The following NT5C2 variants were observed in gnomAD, a reference collection of about 807,000 sequenced individuals.
NT5C2 encodes the protein 5'-nucleotidase, cytosolic II.
A neutral mutation model predicts 76.1 loss-of-function variants in NT5C2; 58 were observed. The observed-to-expected ratio is 0.76, with a 90% CI of 0.62 to 0.95. NT5C2 has a LOEUF of 0.95. Among genes scored for constraint, NT5C2 ranks in the 40% least tolerant of loss-of-function variants. The pLI is 0.00. For synonymous variants in NT5C2, 229 were observed against 237.4 expected (o/e 0.96, Z 0.32); for missense variants, 478 against 690.3 (o/e 0.69, Z 3.45).
rs923577370 is a variant in NT5C2 at position 103,153,899 on chromosome 10, G to A, written c.102-14420C>T. On this transcript the variant is annotated intron_variant, in intron 3 of 18. Transcript: ENST00000404739. ...GAACCTAAAGTATTTCCACAGCGAG[G>A]TATTTTTTTTTCTGACTTCATTAAC... The A allele has an allele frequency of 5.0e-6, 3 of 605,490 alleles. No homozygotes were observed. In the African/African-American group the frequency reaches 6.0e-5, roughly 12 times the overall value. 37.5% of individuals were successfully genotyped at this position (605,490 alleles called of 1,614,324 possible). A position where few individuals can be genotyped will look rare whatever the true frequency, so the allele number is the denominator to read the frequency against.
intron 4 of NT5C2, among the ~76,000 whole-genome samples, chr10:103,114,197 G>A (rs758640962): frequency 4.6e-5 from 7 of 152,106 alleles, no homozygotes; most frequent in African/African-American, 1.2e-4. Flanking sequence ...GGCGGATCAC[G>A]AGGTAAGGAG....
At chr10:103,150,269 A>G (rs1326420734) in intron 3 of NT5C2, among the ~76,000 whole-genome samples, 1 of 152,196 alleles carries the variant, frequency 6.6e-6, no homozygotes, top group Non-Finnish European at 1.5e-5. Context: ...CTGTCACTGT[A>G]GTTTTCATAT....
At chr10:103,149,422 T>C (rs928007211) in intron 3 of NT5C2, among the ~76,000 whole-genome samples, 1 of 152,158 alleles carries the variant, frequency 6.6e-6, no homozygotes, top group African/African-American at 2.4e-5. Context: ...GAAATTGTGA[T>C]AATGGGAGCA....
chr10:103,107,975 TG>T (rs2071809286), intron 4 of NT5C2, among the ~76,000 whole-genome samples: 1 of 151,948 alleles, frequency 6.6e-6, no homozygotes, highest in South Asian at 2.1e-4. Flanking sequence ...GCCAACACAG[TG>T]AAACCCCGTC....
chr10:103,119,816 C>T (rs780623110), intron 4 of NT5C2, among the ~76,000 whole-genome samples: 8 of 151,964 alleles, frequency 5.3e-5, no homozygotes, highest in East Asian at 1.9e-4. Context: ...AAAAAAAAGG[C>T]GTGGCCAGTT....
At chr10:103,094,718 C>T (rs772502074) in intron 12 of NT5C2, among the ~76,000 whole-genome samples, 1 of 152,032 alleles carries the variant, frequency 6.6e-6, no homozygotes, top group Non-Finnish European at 1.5e-5. Context: ...CCTGTCTCTA[C>T]TAAAACTACA....
intron 3 of NT5C2, among the ~76,000 whole-genome samples, chr10:103,154,344 G>A (rs2082940012): frequency 6.6e-6 from 1 of 151,972 alleles, no homozygotes. Flanking sequence ...TTATTAAAAT[G>A]TTTAAATAGT....
At chr10:103,128,081 C>CTG (rs2077042587) in intron 4 of NT5C2, among the ~76,000 whole-genome samples, 1 of 147,876 alleles carries the variant, frequency 6.8e-6, no homozygotes, top group East Asian at 2.0e-4. Flanking sequence ...CTCCCTCTCC[C>CTG]TCTCCCTCTG....
intron 4 of NT5C2, among the ~76,000 whole-genome samples, chr10:103,126,496 C>T (rs1405861555): frequency 6.6e-6 from 1 of 152,140 alleles, no homozygotes; most frequent in African/African-American, 2.4e-5. Context: ...GTGGTGCATG[C>T]CTGTAGTCCC....
At position 103,173,486 on chromosome 10, in the gene NT5C2, G is replaced by A. The variant is rs140025915; in HGVS notation, c.101+1372C>T. ...CAAAAAATTAGCTGGGCATGGTGGC[G>A]GGCACCTGTAGTCCCAGCTACTTGG... On this transcript the variant is annotated intron_variant, in intron 3 of 18. Coordinates refer to ENST00000404739, the MANE Select transcript of NT5C2 (RefSeq NM_001351169.2). 6.2e-3 allele frequency among the ~76,000 whole-genome samples: 939 copies of A among 151,398 alleles called. 58 individuals carry two copies. In the East Asian group the frequency reaches 0.14, roughly 22 times the overall value.
At chr10:103,097,894 G>A (rs2068595317) in intron 10 of NT5C2, 3 of 412,608 alleles carry the variant, frequency 7.3e-6, no homozygotes, top group South Asian at 5.3e-5. Flanking sequence ...AACCCCTCAT[G>A]TGCCTGGAAA....
At chr10:103,129,964 T>C (rs1225056456) in intron 4 of NT5C2, among the ~76,000 whole-genome samples, 16 of 122,540 alleles carry the variant, frequency 1.3e-4, no homozygotes, top group East Asian at 2.6e-4. Context: ...CCAGCCGCCC[T>C]GTCCGGGAGG....
intron 3 of NT5C2, among the ~76,000 whole-genome samples, chr10:103,157,293 C>T (rs1314501512): frequency 6.6e-6 from 1 of 152,026 alleles, no homozygotes; most frequent in Non-Finnish European, 1.5e-5. Flanking sequence ...AGCCTTTAGA[C>T]TTTGGCAGGG....
intron 11 of NT5C2, 138 bp from the exon 12 acceptor site, chr10:103,096,118 T>C (rs1814211091): frequency 9.3e-6 from 6 of 642,882 alleles, no homozygotes; most frequent in African/African-American, 5.6e-5. Flanking sequence ...CTAAATTTTA[T>C]GAAATCATGG....
intron 15 of NT5C2, 110 bp from the exon 16 acceptor site, chr10:103,091,725 G>T: frequency 1.2e-6 from 1 of 834,088 alleles, no homozygotes; most frequent in Non-Finnish European, 2.0e-6. Flanking sequence ...TAGAACCTGG[G>T]ACTAACATGC....
At chr10:103,166,821 C>T (rs1199682055) in intron 3 of NT5C2, among the ~76,000 whole-genome samples, 1 of 151,866 alleles carries the variant, frequency 6.6e-6, no homozygotes, top group South Asian at 2.1e-4. Flanking sequence ...CTCAGCTAAT[C>T]TTTTTACTTT....
At chr10:103,180,939 T>A (rs2090950799) in intron 2 of NT5C2, among the ~76,000 whole-genome samples, 1 of 151,526 alleles carries the variant, frequency 6.6e-6, no homozygotes, top group African/African-American at 2.4e-5. Flanking sequence ...ACAAAAAGAG[T>A]ACATAGTGTA....
intron 4 of NT5C2, among the ~76,000 whole-genome samples, chr10:103,137,767 C>A (rs760344212): frequency 2.6e-5 from 4 of 151,966 alleles, no homozygotes; most frequent in African/African-American, 7.3e-5. Flanking sequence ...TGCATTTCCA[C>A]GAGATTGAAA....
intron 1 of NT5C2, among the ~76,000 whole-genome samples, chr10:103,190,620 T>C (rs973401989): frequency 1.3e-5 from 2 of 152,214 alleles, no homozygotes; most frequent in Non-Finnish European, 2.9e-5. Flanking sequence ...TAAGGTTAAC[T>C]GAGTTCCCCG....
Sources: allele counts gnomAD v4.1 joint callset (sites outside exome capture counted in the v4.1 genomes callset), GRCh38; gene constraint gnomAD v4.1.1; transcripts MANE v1.5; gene names NCBI Gene and HGNC (gene_info 2026-07-23, HGNC 2026-07-21).